TBC1D5: variants seen among roughly 807,000 people sequenced by gnomAD.
The protein encoded by TBC1D5 is TBC1 domain family, member 5.
Under a neutral mutation model 100.3 loss-of-function variants are expected in TBC1D5, and 75 were observed. The ratio of observed to expected loss-of-function variants is 0.75; its 90% CI spans 0.62 to 0.91. The LOEUF is 0.91. Ranked by LOEUF, TBC1D5 falls within the 40% of genes least tolerant of loss-of-function variation. The pLI, the probability that TBC1D5 is intolerant of heterozygous loss-of-function variation, is 0.00. For missense variants in TBC1D5, 910 were observed against 942.4 expected, an observed-to-expected ratio of 0.97 and a Z score of 0.45; for synonymous variants, 323 against 325.6, an observed-to-expected ratio of 0.99 and a Z score of 0.09.
chr3:17,635,907 T>C (rs2063871894), intron 1 of TBC1D5, among the ~76,000 whole-genome samples: 1 of 152,008 alleles, frequency 6.6e-6, no homozygotes, highest in Non-Finnish European at 1.5e-5. Context: ...TAAAAGAATG[T>C]TTTGGCCGGA....
intron 3 of TBC1D5, among the ~76,000 whole-genome samples, chr3:17,497,506 G>T (rs985911618): frequency 2.0e-5 from 3 of 152,292 alleles, no homozygotes; most frequent in African/African-American, 7.2e-5. Flanking sequence ...GTGCCCCTAA[G>T]ATTCAGTTAT....
chr3:17,573,192 C>T (rs116770430), intron 2 of TBC1D5, among the ~76,000 whole-genome samples: 2,863 of 152,120 alleles, frequency 0.019, 36 homozygotes, highest in Non-Finnish European at 0.027. Flanking sequence ...ATCAACCAAC[C>T]TCTCCCGCAG....
chr3:17,673,402 C>T (rs1343499133), intron 1 of TBC1D5, among the ~76,000 whole-genome samples: 3 of 148,000 alleles, frequency 2.0e-5, no homozygotes, highest in African/African-American at 4.9e-5. Context: ...CTCTACCTAA[C>T]CAGGCTCAGT....
intron 17 of TBC1D5, among the ~76,000 whole-genome samples, chr3:17,223,921 A>AAAACC (rs1414142878): frequency 6.6e-6 from 1 of 151,950 alleles, no homozygotes; most frequent in Non-Finnish European, 1.5e-5. Context: ...AAAACAAAAC[A>AAAACC]AAACAAAACA....
At chr3:17,216,870 CTT>C (rs1308771529) in intron 17 of TBC1D5, among the ~76,000 whole-genome samples, 1 of 152,102 alleles carries the variant, frequency 6.6e-6, no homozygotes, top group Non-Finnish European at 1.5e-5. Flanking sequence ...GAAAACAACA[CTT>C]TGAGATATAA....
At chr3:17,508,108 G>C (rs1423121032) in intron 3 of TBC1D5, among the ~76,000 whole-genome samples, 6 of 151,362 alleles carry the variant, frequency 4.0e-5, no homozygotes, top group African/African-American at 1.5e-4. Context: ...TCAATCTGCT[G>C]AAAGGGGAAA....
intron 1 of TBC1D5, chr3:17,699,983 A>G (rs551495724): frequency 6.6e-6 from 1 of 152,266 alleles, no homozygotes; most frequent in African/African-American, 2.4e-5. Flanking sequence ...TTCACCTGTT[A>G]GAAGCTCCTT....
chr3:17,331,513 CATGAG>C (rs892664788), intron 13 of TBC1D5, among the ~76,000 whole-genome samples: 4 of 152,160 alleles, frequency 2.6e-5, no homozygotes, highest in African/African-American at 9.7e-5. Flanking sequence ...TGACTGTTTG[CATGAG>C]ATAACTTTTA....
chr3:17,176,070 GATGAAAACAGGCTGTAGA>G, intron 19 of TBC1D5, among the ~76,000 whole-genome samples: 1 of 152,304 alleles, frequency 6.6e-6, no homozygotes, highest in Middle Eastern at 3.4e-3. Context: ...GGTGTGAAAG[GATGAAAACAGGCTGTAGA>G]ATCAGACAGA....
rs1025162858 is a variant in TBC1D5 at position 17,463,943 on chromosome 3, C to CTTTTT, written c.98-35429_98-35425dup. ...CAATCAATACTAGCATTCCTTATTC[C>CTTTTT]TTTTTTTTTTTTTTTTTTTTTTTTT... On this transcript the variant is annotated intron_variant, in intron 3 of 21. Coordinates refer to ENST00000253692, the Ensembl canonical transcript of TBC1D5. 2.9e-3 allele frequency among the ~76,000 whole-genome samples: 254 copies of CTTTTT among 87,470 alleles called. 2 individuals are homozygous for CTTTTT. Among genetic ancestry groups the CTTTTT allele is most frequent in the African/African-American group, 5.5e-3 (118 of 21,350 alleles). The allele number at this position is 87,470 out of a possible 152,430, so 57.4% of individuals were successfully genotyped here.
intron 17 of TBC1D5, among the ~76,000 whole-genome samples, chr3:17,234,459 G>C (rs546295894): frequency 1.0e-3 from 152 of 149,764 alleles, no homozygotes; most frequent in Non-Finnish European, 7.9e-4. Flanking sequence ...TGCATTTTAA[G>C]AACATAAGAA....
chr3:17,216,969 T>A (rs1348237816), intron 17 of TBC1D5, among the ~76,000 whole-genome samples: 1 of 152,082 alleles, frequency 6.6e-6, no homozygotes, highest in Non-Finnish European at 1.5e-5. Context: ...ATCAAAACTA[T>A]CTATTTTAGA....
intron 14 of TBC1D5, among the ~76,000 whole-genome samples, chr3:17,297,606 C>G (rs1350583342): frequency 6.6e-6 from 1 of 151,434 alleles, no homozygotes; most frequent in South Asian, 2.1e-4. Flanking sequence ...TTTGGAGACA[C>G]ATCTCATTCT....
chr3:17,712,450 T>G (rs1333370176), intron 1 of TBC1D5, among the ~76,000 whole-genome samples: 2 of 152,228 alleles, frequency 1.3e-5, no homozygotes, highest in African/African-American at 2.4e-5. Context: ...GTTTTTATAA[T>G]GACCACAGGC....
intron 2 of TBC1D5, among the ~76,000 whole-genome samples, chr3:17,510,524 C>T (rs1452158432): frequency 6.6e-6 from 1 of 151,870 alleles, no homozygotes; most frequent in Non-Finnish European, 1.5e-5. Context: ...CTTATGTGTG[C>T]CAATCAGTAA....
At chr3:17,367,032 C>T (rs376829308) in intron 13 of TBC1D5, among the ~76,000 whole-genome samples, 17 of 152,180 alleles carry the variant, frequency 1.1e-4, no homozygotes, top group East Asian at 9.7e-4. Flanking sequence ...GAAGCCCAAG[C>T]GTGTTATGAG....
At chr3:17,463,943 C>CTTTTTTTTTTT (rs1025162858) in intron 3 of TBC1D5, among the ~76,000 whole-genome samples, 7 of 87,510 alleles carry the variant, frequency 8.0e-5, no homozygotes, top group African/African-American at 2.3e-4. Flanking sequence ...TTCCTTATTC[C>CTTTTTTTTTTT]TTTTTTTTTT....
rs564031295 is a variant in TBC1D5 at position 17,167,519 on chromosome 3, AG to A, written c.1932+229del. On this transcript the variant is annotated intron_variant, in intron 20 of 21. Transcript: ENST00000253692. ...GAACAAACAGAATGGGTTTGGTAAG[AG>A]GAAGGAGTGGTGTGGGAAATGGAAA... 9.2e-5 allele frequency among the ~76,000 whole-genome samples: 14 copies of A among 152,324 alleles called. No homozygotes were observed. The South Asian group carries it at 2.9e-3, about 32-fold the overall frequency.
intron 3 of TBC1D5, among the ~76,000 whole-genome samples, chr3:17,448,886 T>A (rs1052334067): frequency 6.6e-6 from 1 of 152,242 alleles, no homozygotes; most frequent in African/African-American, 2.4e-5. Flanking sequence ...AGTCAGCCTG[T>A]CCTTTGAAGC....
Sources: gnomAD v4.1 joint callset for allele counts (sites outside exome capture counted in the v4.1 genomes callset) on GRCh38, gnomAD v4.1.1 for gene constraint, MANE v1.5 for transcripts, NCBI Gene and HGNC (gene_info 2026-07-23, HGNC 2026-07-21) for gene names.